The following P2RX3 variants were observed in gnomAD, a reference collection of about 807,000 sequenced individuals.
P2RX3 encodes the protein purinergic receptor P2X 3.
A neutral mutation model predicts 51.5 loss-of-function variants in P2RX3; 41 were observed. The ratio of observed to expected loss-of-function variants is 0.80; its 90% CI spans 0.62 to 1.03. The LOEUF is 1.03. Among genes scored for constraint, P2RX3 ranks in the 50% least tolerant of loss-of-function variants. The probability of loss-of-function intolerance (pLI) is 0.00; values close to 1 mark genes in which losing one functional copy is unlikely to be tolerated. For synonymous variants in P2RX3, 185 were observed against 191.6 expected, an observed-to-expected ratio of 0.97 and a Z score of 0.29; for missense variants, 459 against 522.1, an observed-to-expected ratio of 0.88 and a Z score of 1.18.
At chr11:57,369,019 T>C (rs912897032) in intron 10 of P2RX3, among the ~76,000 whole-genome samples, 3 of 152,186 alleles carry the variant, frequency 2.0e-5, no homozygotes, top group Non-Finnish European at 4.4e-5. Flanking sequence ...CTTCCTCATC[T>C]TATAAAGCCA....
intron 1 of P2RX3, among the ~76,000 whole-genome samples, chr11:57,345,318 C>A (rs1344165122): frequency 6.6e-6 from 1 of 152,334 alleles, no homozygotes; most frequent in African/African-American, 2.4e-5. Flanking sequence ...CTCCTCTGTT[C>A]CATGAGACGT....
At position 57,350,994 on chromosome 11, in the gene P2RX3, C is replaced by A. The variant is rs533764433; in HGVS notation, c.842+96C>A. On this transcript the variant is annotated intron_variant, in intron 8 of 11. Transcript: ENST00000263314. ...ACAAGATCCCACATCCATCCACCCACCCCTGGCCCCAAGTCCCACCTCAGG... is the reference window on the plus strand; with the variant it reads ...ACAAGATCCCACATCCATCCACCCAACCCTGGCCCCAAGTCCCACCTCAGG... The A allele has an allele frequency of 6.8e-5, 104 of 1,524,740 alleles. 1 individual carries two copies. Among genetic ancestry groups the A allele is most frequent in the Admixed American group, 3.8e-4 (21 of 55,502 alleles). The allele number at this position is 1,524,740 out of a possible 1,614,324, so 94.5% of individuals were successfully genotyped here.
chr11:57,354,498 C>T (rs1224372759), intron 8 of P2RX3, among the ~76,000 whole-genome samples: 1 of 152,160 alleles, frequency 6.6e-6, no homozygotes, highest in Non-Finnish European at 1.5e-5. Context: ...GAAAGGCGCC[C>T]TCAGCAGAGC....
chr11:57,366,907 C>CTAATCCATCCATGAGGGG (rs1856806273), intron 8 of P2RX3, among the ~76,000 whole-genome samples: 1 of 151,938 alleles, frequency 6.6e-6, no homozygotes, highest in African/African-American at 2.4e-5. Context: ...TCCATGAGGG[C>CTAATCCATCCATGAGGGG]AGAGCCCGCA....
intron 5 of P2RX3, 170 bp downstream of exon 5, chr11:57,348,433 A>T: frequency 1.4e-6 from 1 of 724,464 alleles, no homozygotes; most frequent in East Asian, 2.7e-5. Flanking sequence ...TCCCCAGCCC[A>T]CCCACCTGCC....
chr11:57,348,335 C>A, intron 5 of P2RX3, 72 bp downstream of exon 5: 3 of 1,347,646 alleles, frequency 2.2e-6, no homozygotes, highest in South Asian at 1.4e-5. Context: ...GGGAGCCGTG[C>A]GTCTCTGAGC....
rs1423835535 is a variant in P2RX3 at position 57,347,244 on chromosome 11, G to C, written c.327+57G>C. 49 of 1,575,354 alleles carry C rather than the reference G, an allele frequency of 3.1e-5. 1 individual carries two copies. Among genetic ancestry groups the C allele is most frequent in the Non-Finnish European group, 3.9e-5 (45 of 1,148,276 alleles). On this transcript the variant is annotated intron_variant, in intron 3 of 11. Coordinates refer to ENST00000263314, the MANE Select transcript of P2RX3 (RefSeq NM_002559.5). ...GTCAAGGCTGAAAATGTTGGTGGGAGTGGGAGCAGTGGCAGGGAGGTATGA... is the reference window on the plus strand; with the variant it reads ...GTCAAGGCTGAAAATGTTGGTGGGACTGGGAGCAGTGGCAGGGAGGTATGA...
intron 8 of P2RX3, among the ~76,000 whole-genome samples, chr11:57,357,837 A>G (rs1315004520): frequency 6.6e-6 from 1 of 152,178 alleles, no homozygotes; most frequent in Non-Finnish European, 1.5e-5. Flanking sequence ...TATAAAATCA[A>G]CTGTAAAAGT....
At chr11:57,362,645 G>T (rs1322253134) in intron 8 of P2RX3, among the ~76,000 whole-genome samples, 1 of 152,162 alleles carries the variant, frequency 6.6e-6, no homozygotes, top group Admixed American at 6.5e-5. Flanking sequence ...TAGAATGCTG[G>T]CTAAGAGTGT....
At chr11:57,353,233 T>C (rs1856575069) in intron 8 of P2RX3, among the ~76,000 whole-genome samples, 1 of 152,240 alleles carries the variant, frequency 6.6e-6, no homozygotes, top group South Asian at 2.1e-4. Context: ...CGCTGTTTTT[T>C]AGAATCTCAC....
intron 2 of P2RX3, 73 bp from the exon 3 acceptor site, chr11:57,347,042 GA>G (rs1328759473): frequency 7.1e-7 from 1 of 1,410,244 alleles, no homozygotes. Flanking sequence ...GTAGAGTGGG[GA>G]TAATCAGTTA....
At chr11:57,347,545 C>T (rs922672218) in intron 4 of P2RX3, 67 bp downstream of exon 4, 8 of 1,504,862 alleles carry the variant, frequency 5.3e-6, no homozygotes, top group Middle Eastern at 2.1e-4. Context: ...GAGAGCCCGT[C>T]GTTGGAGAGG....
At chr11:57,345,222 T>C (rs1219075930) in intron 1 of P2RX3, among the ~76,000 whole-genome samples, 1 of 152,156 alleles carries the variant, frequency 6.6e-6, no homozygotes, top group African/African-American at 2.4e-5. Flanking sequence ...TTCCTTCCAC[T>C]CACCTTCATC....
chr11:57,368,297 C>T (rs567538541), intron 9 of P2RX3, 75 bp from the exon 10 acceptor site: 422 of 1,520,122 alleles, frequency 2.8e-4, no homozygotes, highest in Admixed American at 4.0e-4. Context: ...ACCCTTCTGG[C>T]GCCACGTGCA....
chr11:57,351,341 CA>C (rs1241006462), intron 8 of P2RX3, among the ~76,000 whole-genome samples: 1 of 152,178 alleles, frequency 6.6e-6, no homozygotes, highest in Non-Finnish European at 1.5e-5. Context: ...TACAAGATGG[CA>C]ACTTTGCATT....
At chr11:57,354,764 T>C (rs1353807161) in intron 8 of P2RX3, among the ~76,000 whole-genome samples, 1 of 151,978 alleles carries the variant, frequency 6.6e-6, no homozygotes, top group African/African-American at 2.4e-5. Context: ...TGTATAGGCA[T>C]TGATGGTGCA....
At position 57,358,927 on chromosome 11, in the gene P2RX3, A is replaced by G. The variant is rs1002386656; in HGVS notation, c.842+8029A>G. On this transcript the variant is annotated intron_variant, in intron 8 of 11. Transcript: ENST00000263314. ...CTCACACGCACAACATCCCAGCACT[A>G]TTAGGCCTCAGAATCATTCGATTGA... 2.0e-5 allele frequency among the ~76,000 whole-genome samples: 3 copies of G among 152,284 alleles called. 1 individual carries two copies. The highest frequency in any genetic ancestry group is 3.9e-4 in the East Asian group (2 of 5,186).
At chr11:57,343,088 C>T (rs1856371450) in intron 1 of P2RX3, among the ~76,000 whole-genome samples, 1 of 152,244 alleles carries the variant, frequency 6.6e-6, no homozygotes. Context: ...GAGACAGCCT[C>T]AGCCCCTCCG....
At chr11:57,350,961 T>C (rs912163394) in intron 8 of P2RX3, 63 bp downstream of exon 8, 103 of 1,607,704 alleles carry the variant, frequency 6.4e-5, no homozygotes, top group East Asian at 2.0e-4. Flanking sequence ...GCAATGTTTA[T>C]TGGGGAGACA....
Sources: allele counts gnomAD v4.1 joint callset (sites outside exome capture counted in the v4.1 genomes callset), GRCh38; gene constraint gnomAD v4.1.1; transcripts MANE v1.5; gene names NCBI Gene and HGNC (gene_info 2026-07-23, HGNC 2026-07-21).